Variants in SHTN1 observed in about 807,000 individuals in gnomAD.
SHTN1 encodes shootin-1.
A neutral mutation model predicts 83.1 loss-of-function variants in SHTN1; 42 were observed. The ratio of observed to expected loss-of-function variants is 0.51; its 90% confidence interval spans 0.39 to 0.65. The LOEUF is 0.65. Ranked by LOEUF, SHTN1 falls within the 30% of genes least tolerant of loss-of-function variation. The pLI is 0.00. For missense variants in SHTN1, 622 were observed against 737.8 expected (o/e 0.84, Z 1.82); for synonymous variants, 224 against 247.7 (o/e 0.90, Z 0.90).
chr10:116,890,570 C>T (rs1847309517), intron 16 of SHTN1, among the ~76,000 whole-genome samples: 1 of 152,184 alleles, frequency 6.6e-6, no homozygotes, highest in East Asian at 1.9e-4. Context: ...AGACTATGTG[C>T]TCAAAGGCTA....
chr10:117,041,813 CTT>C (rs1852588185), intron 2 of SHTN1, among the ~76,000 whole-genome samples: 1 of 152,150 alleles, frequency 6.6e-6, no homozygotes, highest in South Asian at 2.1e-4. Flanking sequence ...CTATATTATT[CTT>C]TTCAAAGATT....
At chr10:117,050,296 T>C (rs1302270814) in intron 1 of SHTN1, among the ~76,000 whole-genome samples, 1 of 152,100 alleles carries the variant, frequency 6.6e-6, no homozygotes, top group Non-Finnish European at 1.5e-5. Context: ...ATCATCAGTA[T>C]CAGGAATAAT....
intron 2 of SHTN1, among the ~76,000 whole-genome samples, chr10:116,978,957 T>C (rs568522827): frequency 6.6e-6 from 1 of 152,304 alleles, no homozygotes; most frequent in South Asian, 2.1e-4. Context: ...AATCTGACTG[T>C]TAGGGAAAAA....
At chr10:116,906,810 T>C in intron 14 of SHTN1, 63 bp from the exon 15 acceptor site, 7 of 1,324,872 alleles carry the variant, frequency 5.3e-6, no homozygotes, top group Middle Eastern at 1.9e-4. Context: ...CAAAAGAATA[T>C]AAAAATCAAA....
chr10:116,937,981 C>A lies in SHTN1; in HGVS notation c.858+2485G>T, dbSNP rs181918651. Among the ~76,000 whole-genome samples, 361 of 151,652 alleles carry A rather than the reference C, an allele frequency of 2.4e-3. 3 individuals carry two copies. The highest frequency in any genetic ancestry group is 8.2e-3 in the African/African-American group (338 of 41,370). On this transcript the variant is annotated intron_variant, in intron 9 of 16. Coordinates refer to ENST00000355371, the MANE Select transcript of SHTN1 (RefSeq NM_001127211.3). ...GCTATTGATACTTATGTACGCTTTA[C>A]CAAGTTCTCCTGCTGTGTTTTTCAG...
At chr10:116,897,029 A>G (rs1847548529) in intron 16 of SHTN1, among the ~76,000 whole-genome samples, 1 of 151,404 alleles carries the variant, frequency 6.6e-6, no homozygotes, top group Non-Finnish European at 1.5e-5. Context: ...CTGGTCTTGG[A>G]CTCCTGACCT....
At chr10:116,970,578 G>A (rs1217114253) in intron 2 of SHTN1, among the ~76,000 whole-genome samples, 1 of 152,066 alleles carries the variant, frequency 6.6e-6, no homozygotes, top group East Asian at 1.9e-4. Flanking sequence ...GCTGGGCGTG[G>A]TGGCACACGC....
At chr10:116,935,578 T>C (rs1175840460) in intron 9 of SHTN1, among the ~76,000 whole-genome samples, 1 of 152,212 alleles carries the variant, frequency 6.6e-6, no homozygotes, top group Non-Finnish European at 1.5e-5. Context: ...AGTATTTTAT[T>C]GGGGATTTTC....
upstream of SHTN1, among the ~76,000 whole-genome samples, chr10:117,010,103 TA>T (rs1852081227): frequency 7.9e-5 from 12 of 151,824 alleles, no homozygotes; most frequent in South Asian, 2.5e-3. Flanking sequence ...GGAGATAAAA[TA>T]AAAGACAATA....
chr10:117,087,385 A>G (rs1381852491), intron 1 of SHTN1, among the ~76,000 whole-genome samples: 8 of 152,188 alleles, frequency 5.3e-5, no homozygotes, highest in Admixed American at 3.9e-4. Flanking sequence ...TAAAGACACC[A>G]TGGTGTTGGA....
At chr10:117,047,392 T>C (rs1051827572) in intron 2 of SHTN1, among the ~76,000 whole-genome samples, 1 of 152,022 alleles carries the variant, frequency 6.6e-6, no homozygotes, top group Non-Finnish European at 1.5e-5. Context: ...TTAAAAATAA[T>C]CTATGTCATT....
In SHTN1 at chr10:116,906,754, TG is replaced by T; in HGVS notation, c.1360-8del. The T allele has an allele frequency of 6.2e-7, 1 of 1,600,622 alleles. No homozygotes were observed. The highest frequency in any genetic ancestry group is 8.5e-7 in the Non-Finnish European group (1 of 1,175,018). On this transcript the variant is annotated splice_polypyrimidine_tract_variant and splice_region_variant and intron_variant, in intron 14 of 16. Transcript: ENST00000355371. Reference sequence around the variant, plus strand: ...TGGATTTGTTAAGTGTCCCCTAAAGTGAAAACAAAACAAAAACAAAAAGGTT... The same window carrying T: ...TGGATTTGTTAAGTGTCCCCTAAAGTAAAACAAAACAAAAACAAAAAGGTT...
intron 6 of SHTN1, 86 bp downstream of exon 6, chr10:116,951,823 C>T: frequency 1.7e-6 from 1 of 573,910 alleles, no homozygotes; most frequent in South Asian, 3.9e-5. Flanking sequence ...TAGAAATTGG[C>T]TTATAATATT....
At chr10:117,088,929 T>C (rs1211133196) in intron 1 of SHTN1, among the ~76,000 whole-genome samples, 4 of 152,210 alleles carry the variant, frequency 2.6e-5, no homozygotes, top group African/African-American at 9.6e-5. Flanking sequence ...TAACAGACCA[T>C]GAACGTGTTA....
At chr10:117,101,109 G>T (rs897415523) in intron 1 of SHTN1, among the ~76,000 whole-genome samples, 17 of 74,866 alleles carry the variant, frequency 2.3e-4, no homozygotes, top group Admixed American at 1.4e-3. Context: ...GTAATTAAAT[G>T]GATAGAAGAG....
At chr10:117,016,629 A>ACTCCTGACCTTAGGTGATCTGCCTGC (rs1852184882) in intron 2 of SHTN1, among the ~76,000 whole-genome samples, 2 of 151,290 alleles carry the variant, frequency 1.3e-5, no homozygotes, top group African/African-American at 4.9e-5. Flanking sequence ...CTGATCTTGA[A>ACTCCTGACCTTAGGTGATCTGCCTGC]CTCCTGACCT....
chr10:116,933,504 T>C (rs549025937), intron 9 of SHTN1, among the ~76,000 whole-genome samples: 1 of 152,298 alleles, frequency 6.6e-6, no homozygotes, highest in Non-Finnish European at 1.5e-5. Flanking sequence ...AACGCATCCT[T>C]TTTTATGGCT....
Position 117,116,128 on chromosome 10 carries a change from G to C in SHTN1, c.-189+10179C>G, listed in dbSNP as rs560790792. 5.4e-4 allele frequency among the ~76,000 whole-genome samples: 82 copies of C among 151,924 alleles called. 2 individuals carry two copies. The South Asian group carries it at 0.017, about 31-fold the overall frequency. ...ATATGGAAGATCAATGAAATGAAAA[G>C]TTGGTTTTTTGAAAAGATAAGCAAA... On this transcript the variant is annotated intron_variant, in intron 1 of 17. Transcript: ENST00000392901.
At chr10:117,116,645 G>C (rs1004030347) in intron 1 of SHTN1, among the ~76,000 whole-genome samples, 1 of 152,040 alleles carries the variant, frequency 6.6e-6, no homozygotes, top group Non-Finnish European at 1.5e-5. Context: ...GATGAACATA[G>C]ATGCAAAAAT....
Sources: gnomAD v4.1 joint callset for allele counts (sites outside exome capture counted in the v4.1 genomes callset) on GRCh38, gnomAD v4.1.1 for gene constraint, MANE v1.5 for transcripts, NCBI Gene and HGNC (gene_info 2026-07-23, HGNC 2026-07-21) for gene names.